The following GCLC variants were observed in gnomAD, a reference collection of about 807,000 sequenced individuals.
GCLC encodes the protein glutamate--cysteine ligase catalytic subunit.
In GCLC, 30 loss-of-function variants were observed where a neutral mutation model predicts 81.5. The ratio of observed to expected loss-of-function variants is 0.37; its 90% CI spans 0.28 to 0.50. The LOEUF is 0.50. Ranked by LOEUF, GCLC falls within the 20% of genes least tolerant of loss-of-function variation. The pLI is 0.96. For synonymous variants in GCLC, 262 were observed against 273.3 expected, an observed-to-expected ratio of 0.96 and a Z score of 0.41; for missense variants, 556 against 777.4, an observed-to-expected ratio of 0.72 and a Z score of 3.39.
At position 53,506,111 on chromosome 6, in the gene GCLC, C is replaced by G; in HGVS notation, c.1198-216G>C. ...TAACAAAAGCTATGAGGCCCTATCA[C>G]TGCAAGCTTAATCTCACCCAGCTCC... On this transcript the variant is annotated intron_variant, in intron 10 of 15. Coordinates refer to ENST00000650454, the MANE Select transcript of GCLC (RefSeq NM_001498.4). This position sits in a 1 kb window ranked among gnomAD's most constrained non-coding sequence, Gnocchi z 4.0. The G allele has an allele frequency of 2.0e-6, 1 of 510,396 alleles. No individual in the cohort carries two copies. The allele number at this position is 510,396 out of a possible 1,614,324, so 31.6% of individuals were successfully genotyped here. A position where few individuals can be genotyped will look rare whatever the true frequency, so the allele number is the denominator to read the frequency against.
chr6:53,542,558 G>A (rs1287991216), intron 1 of GCLC, among the ~76,000 whole-genome samples: 1 of 149,892 alleles, frequency 6.7e-6, no homozygotes, highest in Non-Finnish European at 1.5e-5. Flanking sequence ...CACCAAATGG[G>A]ACAAAGATGG....
chr6:53,523,720 G>A (rs895966463), intron 1 of GCLC, among the ~76,000 whole-genome samples: 1 of 152,140 alleles, frequency 6.6e-6, no homozygotes, highest in African/African-American at 2.4e-5. Flanking sequence ...AGGCATTTGA[G>A]TCAGCCGTCC....
chr6:53,500,226 T>G, intron 14 of GCLC, 21 bp downstream of exon 14: 1 of 1,613,250 alleles, frequency 6.2e-7, no homozygotes. Flanking sequence ...TGAGGGGTAC[T>G]GTACAGGGCC....
chr6:53,525,017 T>C (rs1393282371), intron 1 of GCLC, among the ~76,000 whole-genome samples: 1 of 152,218 alleles, frequency 6.6e-6, no homozygotes, highest in African/African-American at 2.4e-5. Flanking sequence ...TATAATCACT[T>C]CATGATCTCA....
At chr6:53,543,974 T>A (rs117270127) in intron 1 of GCLC, among the ~76,000 whole-genome samples, 2 of 152,248 alleles carry the variant, frequency 1.3e-5, no homozygotes, top group East Asian at 3.9e-4. Flanking sequence ...GAAGTGTGTG[T>A]GTTTTGGAGG....
intron 1 of GCLC, chr6:53,523,108 AG>A (rs148528272): frequency 0.013 from 2,025 of 154,664 alleles, 46 homozygotes; most frequent in African/African-American, 0.046. Context: ...AAGTAATTTA[AG>A]GCAACTTCTC....
In GCLC at chr6:53,536,095, C is replaced by T. The variant is rs995711136; in HGVS notation, c.150+8401G>A. On this transcript the variant is annotated intron_variant, in intron 1 of 15. Coordinates refer to ENST00000650454, the MANE Select transcript of GCLC (RefSeq NM_001498.4). ...AACCATGGAATGAAATATTACTCAG[C>T]GACGAAAAGGAATGAACTACTGACA... Among the ~76,000 whole-genome samples, 24 of 152,068 alleles carry T rather than the reference C, an allele frequency of 1.6e-4. No individual in the cohort carries two copies. In the Middle Eastern group the frequency reaches 0.01, roughly 65 times the overall value.
chr6:53,522,503 CAA>C lies in GCLC; in HGVS notation c.173_174del (p.Phe58Ter), dbSNP rs1561946340. The C allele has an allele frequency of 6.2e-7, 1 of 1,603,296 alleles. No homozygotes were observed. The highest frequency in any genetic ancestry group is 8.5e-7 in the Non-Finnish European group (1 of 1,170,426). On this transcript the variant is annotated frameshift_variant, in exon 2 of 16. Transcript: ENST00000650454. LOFTEE classifies it high-confidence loss of function. ...AACCGGACTTTTTTATTTTCATGAT[CAA>C]AAGATACCAACATGTATTCCACCTA... ...GDEVEYMLVSFDHENKKVRLV... is the reference protein window; with the variant it reads ...GDEVEYMLVSXDHENKKVRLV...
chr6:53,535,621 A>G (rs1561951668), intron 1 of GCLC, among the ~76,000 whole-genome samples: 1 of 152,264 alleles, frequency 6.6e-6, no homozygotes, highest in Non-Finnish European at 1.5e-5. Flanking sequence ...AAATATAGAG[A>G]ACGCTCAAAA....
In GCLC at chr6:53,544,970, C is replaced by A. The variant is rs761937673; in HGVS notation, c.-325G>T. ...GCTCCGATGCGGCGGCGGCGGACCC[C>A]ACGGCCGCGCTGCCGCGGCGGCTCC... On this transcript the variant is annotated 5_prime_UTR_variant, in exon 1 of 16. Transcript: ENST00000650454. The A allele has an allele frequency of 5.5e-5, 11 of 200,226 alleles. No individual in the cohort carries two copies. Among genetic ancestry groups the A allele is most frequent in the Non-Finnish European group, 9.0e-5 (9 of 99,950 alleles). 12.4% of individuals were successfully genotyped at this position (200,226 alleles called of 1,614,324 possible). A position where few individuals can be genotyped will look rare whatever the true frequency, so the allele number is the denominator to read the frequency against.
intron 3 of GCLC, among the ~76,000 whole-genome samples, chr6:53,520,054 C>G (rs1485030103): frequency 1.3e-5 from 2 of 152,176 alleles, no homozygotes; most frequent in Non-Finnish European, 2.9e-5. Context: ...CACCATCTGA[C>G]AGACATCTAG....
At position 53,507,559 on chromosome 6, in the gene GCLC, A is replaced by G; in HGVS notation, c.1005T>C (p.Tyr335=). 1 of 1,587,358 alleles carries G rather than the reference A, an allele frequency of 6.3e-7. No individual in the cohort carries two copies. ...SKSRYDSIDS[Y]LSKCGEKYND... ...TATATTTCTCACCACACTTAGATAA[A>G]TAGCTGTCTATTGAGTCATATCGGG... Residue 335 remains tyrosine (Y), a synonymous_variant, in exon 9 of 16, where the codon TAT becomes TAC. Coordinates refer to ENST00000650454, the MANE Select transcript of GCLC (RefSeq NM_001498.4).
chr6:53,543,728 C>T (rs1323811809), intron 1 of GCLC, among the ~76,000 whole-genome samples: 1 of 152,236 alleles, frequency 6.6e-6, no homozygotes, highest in East Asian at 1.9e-4. Flanking sequence ...TTGCTGCATT[C>T]CAGATCATTC....
Position 53,520,759 on chromosome 6 carries a change from T to C in GCLC, c.446+19A>G, listed in dbSNP as rs1233414191. 2 of 1,605,054 alleles carry C rather than the reference T, an allele frequency of 1.2e-6. No homozygotes were observed. Among genetic ancestry groups the C allele is most frequent in the African/African-American group, 1.3e-5 (1 of 74,866 alleles). ...TATCTCTGAGAGATCTGCTGGGGCATGTTAATATAGGAACTAACCTGGGAA... is the reference window on the plus strand; with the variant it reads ...TATCTCTGAGAGATCTGCTGGGGCACGTTAATATAGGAACTAACCTGGGAA... On this transcript the variant is annotated intron_variant, in intron 3 of 15. Coordinates refer to ENST00000650454, the MANE Select transcript of GCLC (RefSeq NM_001498.4).
At position 53,514,232 on chromosome 6, in the gene GCLC, C is replaced by G; in HGVS notation, c.725G>C (p.Gly242Ala). Residue 242 changes from glycine (G) to alanine (A), a missense_variant, in exon 6 of 16, where the codon GGA becomes GCA. By Grantham distance (60) the Gly-to-Ala change is moderately conservative. Around this residue, in one of 3 missense-constraint regions of GCLC, gnomAD observed 9 missense variants for 36.4 expected, o/e 0.25. Transcript: ENST00000650454. ...KPDHIYMDAMGFGMGNCCLQV... is the reference protein window; with the variant it reads ...KPDHIYMDAMAFGMGNCCLQV... ...GAGACAGCAATTGCCCATTCCAAAT[C>G]CCATGGCATCCATGTAAATATGATC... 6.2e-7 allele frequency: 1 copy of G among 1,613,882 alleles called. No homozygotes were observed. The highest frequency in any genetic ancestry group is 2.2e-5 in the East Asian group (1 of 44,874).
intron 3 of GCLC, among the ~76,000 whole-genome samples, chr6:53,518,922 G>A (rs1357475008): frequency 6.6e-6 from 1 of 152,146 alleles, no homozygotes; most frequent in Non-Finnish European, 1.5e-5. Flanking sequence ...GCCTTGATGT[G>A]TCTTCTCTCC....
chr6:53,507,033 AAG>A lies in GCLC; in HGVS notation c.1085-10_1085-9del, dbSNP rs1561939724. On this transcript the variant is annotated splice_polypyrimidine_tract_variant and intron_variant, in intron 9 of 15. Transcript: ENST00000650454. ...CCAGGAGATGATCAATGCCTGCAAA[AAG>A]AGATCACATGGGAACTCACTGCAAA... The A allele has an allele frequency of 6.8e-7, 1 of 1,468,026 alleles. No homozygotes were observed. The highest frequency in any genetic ancestry group is 1.7e-5 in the Admixed American group (1 of 59,860). 90.9% of individuals were successfully genotyped at this position (1,468,026 alleles called of 1,614,324 possible). A position where few individuals can be genotyped will look rare whatever the true frequency, so the allele number is the denominator to read the frequency against.
chr6:53,528,682 T>C (rs1022321326), intron 1 of GCLC, among the ~76,000 whole-genome samples: 4 of 152,198 alleles, frequency 2.6e-5, no homozygotes, highest in African/African-American at 9.6e-5. Context: ...GTTTACACTT[T>C]TAGAAATTAA....
chr6:53,506,061 T>A lies in GCLC; in HGVS notation c.1198-166A>T. The A allele has an allele frequency of 1.6e-6, 1 of 636,326 alleles. No individual in the cohort carries two copies. Among genetic ancestry groups the A allele is most frequent in the Admixed American group, 2.2e-5 (1 of 44,982 alleles). The allele number at this position is 636,326 out of a possible 1,614,324, so 39.4% of individuals were successfully genotyped here. A position where few individuals can be genotyped will look rare whatever the true frequency, so the allele number is the denominator to read the frequency against. On this transcript the variant is annotated intron_variant, in intron 10 of 15. Transcript: ENST00000650454. The surrounding 1 kb of genome is among the most constrained non-coding windows in gnomAD (Gnocchi z 4.0). ...AAGATTTTCTTCGAGTGTGCTCTTT[T>A]AGGAAAACAAAACAGCCAAGTGTTT...
Sources: allele counts gnomAD v4.1 joint callset (sites outside exome capture counted in the v4.1 genomes callset), GRCh38; gene constraint gnomAD v4.1.1; regional missense constraint gnomAD v4.1.1; non-coding constraint Gnocchi (gnomAD v3.1); transcripts MANE v1.5; gene names NCBI Gene and HGNC (gene_info 2026-07-23, HGNC 2026-07-21).